The following APBB2 variants were observed in gnomAD, a reference collection of about 807,000 sequenced individuals.
APBB2 encodes Fe65-like 1.
Under a neutral mutation model 82.5 loss-of-function variants are expected in APBB2, and 38 were observed. The ratio of observed to expected loss-of-function variants is 0.46; its 90% CI spans 0.36 to 0.60. The LOEUF (loss-of-function observed/expected upper bound fraction) is 0.60, where lower values mean the gene tolerates loss of function less well. APBB2 is among the 20% of genes least tolerant of loss of function. The pLI is 0.00. For synonymous variants in APBB2, 341 were observed against 368.2 expected (o/e 0.93, Z 0.85); for missense variants, 772 against 972.3 (o/e 0.79, Z 2.74).
At chr4:40,982,221 G>GAAAAGAAAGAAAAGAAAGAAAGAAA in intron 6 of APBB2, among the ~76,000 whole-genome samples, 1 of 12,906 alleles carries the variant, frequency 7.7e-5, no homozygotes, top group East Asian at 2.7e-3. Flanking sequence ...AGAAAAGAAA[G>GAAAAGAAAGAAAAGAAAGAAAGAAA]GAAAGAAAGA....
rs557271861 is a variant in APBB2, at chr4:41,110,844, G to T, written c.-260-10094C>A. 2.4e-4 allele frequency among the ~76,000 whole-genome samples: 36 copies of T among 152,230 alleles called. No homozygotes were observed. The South Asian group carries it at 5.8e-3, about 25-fold the overall frequency. On this transcript the variant is annotated intron_variant, in intron 2 of 17. Coordinates refer to ENST00000508593, the MANE Select transcript of APBB2 (RefSeq NM_004307.2). ...ACAATTTTTCCCCAATAGGGTGAGGGGAGGTTGGAGGGGTTTAGGATAATT... is the reference window on the plus strand; with the variant it reads ...ACAATTTTTCCCCAATAGGGTGAGGTGAGGTTGGAGGGGTTTAGGATAATT...
intron 11 of APBB2, 112 bp from the exon 12 acceptor site, chr4:40,890,603 G>A: frequency 7.0e-7 from 1 of 1,424,380 alleles, no homozygotes; most frequent in East Asian, 2.5e-5. Context: ...CCACCCTGGG[G>A]TCTGTAATTT....
At chr4:40,952,233 T>G (rs1419760019) in intron 6 of APBB2, among the ~76,000 whole-genome samples, 2 of 151,128 alleles carry the variant, frequency 1.3e-5, no homozygotes, top group Non-Finnish European at 2.9e-5. Context: ...TATGGTGACT[T>G]TCATAGGAGA....
At chr4:40,840,010 T>C (rs561952885) in intron 12 of APBB2, among the ~76,000 whole-genome samples, 3 of 152,330 alleles carry the variant, frequency 2.0e-5, no homozygotes, top group South Asian at 4.1e-4. Context: ...ATATGAATTA[T>C]ACTAAGACTT....
At chr4:40,863,290 A>G (rs1429696636) in intron 12 of APBB2, among the ~76,000 whole-genome samples, 1 of 152,244 alleles carries the variant, frequency 6.6e-6, no homozygotes, top group Non-Finnish European at 1.5e-5. Flanking sequence ...TCTGAGGGTC[A>G]TATCACAACA....
chr4:40,875,052 T>C (rs767947395), intron 12 of APBB2, among the ~76,000 whole-genome samples: 5 of 152,178 alleles, frequency 3.3e-5, no homozygotes, highest in Non-Finnish European at 5.9e-5. Context: ...CCGGTGCAGC[T>C]GGGTAAGTGC....
At chr4:41,136,954 A>G (rs1757741453) in intron 2 of APBB2, among the ~76,000 whole-genome samples, 1 of 152,224 alleles carries the variant, frequency 6.6e-6, no homozygotes, top group African/African-American at 2.4e-5. Flanking sequence ...AGTTGTAACT[A>G]AAGATATATA....
chr4:40,868,513 G>A (rs185943648), intron 12 of APBB2, among the ~76,000 whole-genome samples: 2 of 152,314 alleles, frequency 1.3e-5, no homozygotes, highest in Admixed American at 6.5e-5. Context: ...AGGAATCCAT[G>A]ACATGTGAAA....
chr4:40,958,123 T>C (rs1299763846), intron 6 of APBB2, among the ~76,000 whole-genome samples: 2 of 152,148 alleles, frequency 1.3e-5, no homozygotes, highest in Non-Finnish European at 2.9e-5. Context: ...TCCATAAACT[T>C]ATATATAATT....
intron 1 of APBB2, among the ~76,000 whole-genome samples, chr4:41,179,219 G>A (rs938714122): frequency 6.6e-6 from 1 of 152,180 alleles, no homozygotes; most frequent in Non-Finnish European, 1.5e-5. Flanking sequence ...AACTACTGAA[G>A]TTTCTCAAAG....
chr4:40,849,768 C>T (rs1223049867), intron 12 of APBB2, among the ~76,000 whole-genome samples: 3 of 146,468 alleles, frequency 2.0e-5, no homozygotes, highest in Middle Eastern at 7.1e-3. Flanking sequence ...CGCTCTGTCA[C>T]CCAGGCTGGA....
chr4:41,031,472 G>A (rs1308758459), intron 5 of APBB2, among the ~76,000 whole-genome samples: 2 of 152,132 alleles, frequency 1.3e-5, no homozygotes, highest in Non-Finnish European at 2.9e-5. Flanking sequence ...ATGTCATACC[G>A]ATGCATGAGA....
rs551804076 is a variant in APBB2 at position 40,952,326 on chromosome 4, C to T, written c.836-7253G>A. Among the ~76,000 whole-genome samples the T allele has an allele frequency of 2.0e-5, 3 of 152,238 alleles. 1 individual carries two copies. Among genetic ancestry groups the T allele is most frequent in the African/African-American group, 7.2e-5 (3 of 41,534 alleles). Reference sequence around the variant, plus strand: ...GCAAGTCCAGATTCTACCCCACCTGCCTTGCTGACTGTCTTCCTTATTATA... The same window carrying T: ...GCAAGTCCAGATTCTACCCCACCTGTCTTGCTGACTGTCTTCCTTATTATA... On this transcript the variant is annotated intron_variant, in intron 6 of 17. Coordinates refer to ENST00000508593, the MANE Select transcript of APBB2 (RefSeq NM_004307.2).
At chr4:41,184,607 G>T (rs1262314782) in intron 1 of APBB2, among the ~76,000 whole-genome samples, 2 of 152,118 alleles carry the variant, frequency 1.3e-5, no homozygotes, top group Admixed American at 1.3e-4. Flanking sequence ...TCTCCATTGT[G>T]TGTCACCACC....
At chr4:40,934,432 G>A (rs1430538292) in intron 10 of APBB2, 24 bp downstream of exon 10, 2 of 1,605,960 alleles carry the variant, frequency 1.2e-6, no homozygotes, top group South Asian at 1.1e-5. Flanking sequence ...ATAACCTGGT[G>A]GCTGAAAGCA....
At chr4:40,924,128 T>A (rs1782023929) in intron 10 of APBB2, among the ~76,000 whole-genome samples, 1 of 152,220 alleles carries the variant, frequency 6.6e-6, no homozygotes. Context: ...CTGCGCCTTC[T>A]GCTTTTCCTA....
chr4:41,207,147 C>T (rs13108602), intron 1 of APBB2, among the ~76,000 whole-genome samples: 38,110 of 141,434 alleles, frequency 0.27, 5,274 homozygotes, highest in African/African-American at 0.35. Context: ...TGCAGTGAGC[C>T]GAGATTAAGC....
At chr4:41,190,460 G>A (rs964197365) in intron 1 of APBB2, among the ~76,000 whole-genome samples, 15 of 151,790 alleles carry the variant, frequency 9.9e-5, no homozygotes, top group Admixed American at 2.6e-4. Flanking sequence ...GTGTTGGCCA[G>A]GCTGGTCTTC....
intron 5 of APBB2, among the ~76,000 whole-genome samples, chr4:41,025,811 T>C (rs1481581211): frequency 1.7e-5 from 2 of 118,264 alleles, no homozygotes; most frequent in Admixed American, 1.0e-4. Flanking sequence ...CCCAGCTAGT[T>C]GGAAGGCTGA....
Sources: allele counts gnomAD v4.1 joint callset (sites outside exome capture counted in the v4.1 genomes callset), GRCh38; gene constraint gnomAD v4.1.1; transcripts MANE v1.5; gene names NCBI Gene and HGNC (gene_info 2026-07-23, HGNC 2026-07-21).